Variants in HDGFL2 observed in about 807,000 individuals in gnomAD.
HDGFL2 encodes HDGF like 2.
Under a neutral mutation model 77.1 loss-of-function variants are expected in HDGFL2, and 36 were observed. The observed-to-expected ratio is 0.47, with a 90% CI of 0.36 to 0.62. The LOEUF (loss-of-function observed/expected upper bound fraction) is 0.62. Ranked by LOEUF, HDGFL2 falls within the 20% of genes least tolerant of loss-of-function variation. The pLI is 0.00. For missense variants in HDGFL2, 976 were observed against 973.4 expected (o/e 1.00, Z -0.04); for synonymous variants, 463 against 413.1 (o/e 1.12, Z -1.46).
intron 3 of HDGFL2, among the ~76,000 whole-genome samples, chr19:4,480,484 C>G (rs1406156487): frequency 6.6e-6 from 1 of 152,156 alleles, no homozygotes; most frequent in Admixed American, 6.5e-5. Context: ...TTTGGGAGGC[C>G]GAGGCAGGTG....
chr19:4,498,504 G>C lies in HDGFL2; in HGVS notation c.1473+128G>C. On this transcript the variant is annotated intron_variant, in intron 12 of 15. Transcript: ENST00000616600. The stretch of plus-strand genomic sequence containing the variant: ...GTTGGGTGGGCCAGGAGTCTGTTCC[G>C]GTTGCTAGTGAGCGCATGGGGTCTC... The C allele has an allele frequency of 4.0e-6, 3 of 752,602 alleles. No individual in the cohort carries two copies. In the South Asian group the frequency reaches 4.8e-5, roughly 12 times the overall value. The allele number at this position is 752,602 out of a possible 1,614,324, so 46.6% of individuals were successfully genotyped here.
intron 3 of HDGFL2, among the ~76,000 whole-genome samples, chr19:4,480,706 G>A (rs1405164987): frequency 2.0e-5 from 3 of 151,994 alleles, no homozygotes; most frequent in Non-Finnish European, 4.4e-5. Context: ...GGGATAGAGT[G>A]AGACTCCGTC....
At chr19:4,472,699 C>G in intron 1 of HDGFL2, among the ~76,000 whole-genome samples, 1 of 148,332 alleles carries the variant, frequency 6.7e-6, no homozygotes, top group East Asian at 2.0e-4. Context: ...TCCTGGGCCT[C>G]AGGGAGCCCC....
At chr19:4,499,040 G>A (rs1975784224) in intron 13 of HDGFL2, 125 bp downstream of exon 13, 9 of 660,356 alleles carry the variant, frequency 1.4e-5, no homozygotes, top group Non-Finnish European at 2.4e-5. Context: ...GAGGCCGTGG[G>A]CTGCTGGGTA....
intron 14 of HDGFL2, among the ~76,000 whole-genome samples, chr19:4,500,703 C>T (rs902975682): frequency 3.9e-5 from 6 of 152,106 alleles, no homozygotes; most frequent in African/African-American, 7.2e-5. Context: ...CCTCATGATC[C>T]GCCCTCCTCG....
rs369317234 is a variant in HDGFL2, at chr19:4,501,927, C to G, written c.1933C>G (p.Pro645Ala). ...EDLHDSVREG[P>A]DLDRPGSDRQ... ...TCCCACCAGCAGCGTACGGGAGGGT[C>G]CCGACCTGGACAGGCCTGGGAGCGA... The change falls in exon 16 of 16, where the codon CCC becomes GCC. Residue 645 changes from proline to alanine, a missense_variant. Transcript: ENST00000616600. The G allele has an allele frequency of 2.7e-6, 4 of 1,479,692 alleles. No individual in the cohort carries two copies. Among genetic ancestry groups the G allele is most frequent in the African/African-American group, 2.9e-5 (2 of 69,902 alleles). 91.7% of individuals were successfully genotyped at this position (1,479,692 alleles called of 1,614,324 possible).
At chr19:4,501,474 C>A in intron 15 of HDGFL2, 157 bp downstream of exon 15, 2 of 867,312 alleles carry the variant, frequency 2.3e-6, no homozygotes, top group Non-Finnish European at 3.3e-6. Context: ...GACCCCAGGG[C>A]CCCGCTGGCT....
Position 4,488,683 on chromosome 19 carries a change from GCTC to G in HDGFL2, c.301_303del (p.Ser101del). Reference sequence around the variant, plus strand: ...CTGCCCCGACTCCCACAGCCAGTGAGCTCCTCCGACAGCGAGGCCCCCGAGGCC... The same window carrying G: ...CTGCCCCGACTCCCACAGCCAGTGAGCTCCGACAGCGAGGCCCCCGAGGCC... On this transcript the variant is annotated inframe_deletion, in exon 4 of 16. Coordinates refer to ENST00000616600, the MANE Select transcript of HDGFL2 (RefSeq NM_001001520.3). The G allele has an allele frequency of 1.3e-6, 2 of 1,543,752 alleles. No homozygotes were observed. The highest frequency in any genetic ancestry group is 1.7e-6 in the Non-Finnish European group (2 of 1,147,244).
At chr19:4,499,750 G>A in intron 14 of HDGFL2, 46 bp downstream of exon 14, 3 of 1,380,230 alleles carry the variant, frequency 2.2e-6, no homozygotes, top group South Asian at 2.7e-5. Flanking sequence ...CTCCTCAGCT[G>A]AAGAAACAGA....
intron 9 of HDGFL2, among the ~76,000 whole-genome samples, chr19:4,495,049 A>G (rs1382144196): frequency 1.3e-5 from 2 of 152,108 alleles, no homozygotes; most frequent in Non-Finnish European, 2.9e-5. Flanking sequence ...GTAGACCCTG[A>G]AGGTGTGAGT....
At chr19:4,480,848 CTTATTTTTTA>C (rs1038986732) in intron 3 of HDGFL2, among the ~76,000 whole-genome samples, 1 of 151,804 alleles carries the variant, frequency 6.6e-6, no homozygotes, top group Non-Finnish European at 1.5e-5. Flanking sequence ...CCTCAGTTTC[CTTATTTTTTA>C]TTATTTTTTA....
At chr19:4,499,453 G>T (rs771394415) in intron 13 of HDGFL2, 38 bp from the exon 14 acceptor site, 16 of 1,593,886 alleles carry the variant, frequency 1.0e-5, no homozygotes, top group Middle Eastern at 1.7e-4. Context: ...TAGGGCCGCT[G>T]CACTTGGGTG....
At chr19:4,488,549 A>G in intron 3 of HDGFL2, 127 bp from the exon 4 acceptor site, 1 of 842,612 alleles carries the variant, frequency 1.2e-6, no homozygotes, top group South Asian at 1.7e-5. Flanking sequence ...CCATTTGTAA[A>G]GCCAGGAGAC....
chr19:4,476,771 G>A (rs1975083867), intron 3 of HDGFL2, among the ~76,000 whole-genome samples: 1 of 151,866 alleles, frequency 6.6e-6, no homozygotes, highest in African/African-American at 2.4e-5. Flanking sequence ...AAAAGGCAGT[G>A]GAAGGATGGG....
At chr19:4,472,460 G>GT (rs925884190) in intron 1 of HDGFL2, 38 bp downstream of exon 1, 10 of 428,700 alleles carry the variant, frequency 2.3e-5, no homozygotes, top group Admixed American at 9.1e-5. Context: ...TGGGGGGGGG[G>GT]GGGGGGGCAG....
In HDGFL2 at chr19:4,498,036, G is replaced by C; in HGVS notation, c.1402+5G>C. 2 of 1,553,618 alleles carry C rather than the reference G, an allele frequency of 1.3e-6. No individual in the cohort carries two copies. The highest frequency in any genetic ancestry group is 1.7e-6 in the Non-Finnish European group (2 of 1,147,980). The stretch of plus-strand genomic sequence containing the variant: ...GGAAGGTAGAGAAGAAGAAAGGTGA[G>C]GCCTGGCTGCCCAGCACTGCCCACA... On this transcript the variant is annotated splice_donor_5th_base_variant and intron_variant, in intron 11 of 15. Transcript: ENST00000616600.
chr19:4,482,666 A>G (rs10405224), intron 3 of HDGFL2, among the ~76,000 whole-genome samples: 150,557 of 152,314 alleles, frequency 0.99, 74,424 homozygotes, highest in Non-Finnish European at 0.99. Flanking sequence ...AGGAGTGGCT[A>G]TGACCCAGGC....
Position 4,472,321 on chromosome 19 carries a change from T to A in HDGFL2, c.-30T>A. On this transcript the variant is annotated 5_prime_UTR_variant, in exon 1 of 16. Coordinates refer to ENST00000616600, the MANE Select transcript of HDGFL2 (RefSeq NM_001001520.3). ...CAGCCGCTACCGCCGCTGCAGCCGCTTTCCGCGGCCTGGGCCTCTCGCCGT... is the reference window on the plus strand; with the variant it reads ...CAGCCGCTACCGCCGCTGCAGCCGCATTCCGCGGCCTGGGCCTCTCGCCGT... 3 of 1,473,052 alleles carry A rather than the reference T, an allele frequency of 2.0e-6. No individual in the cohort carries two copies. Among genetic ancestry groups the A allele is most frequent in the Non-Finnish European group, 2.7e-6 (3 of 1,111,348 alleles). The allele number at this position is 1,473,052 out of a possible 1,614,324, so 91.2% of individuals were successfully genotyped here. A position where few individuals can be genotyped will look rare whatever the true frequency, so the allele number is the denominator to read the frequency against.
At chr19:4,490,306 C>T (rs6510812) in intron 4 of HDGFL2, among the ~76,000 whole-genome samples, 105,508 of 152,114 alleles carry the variant, frequency 0.69, 37,143 homozygotes, top group African/African-American at 0.78. Context: ...AGGCTGGTCT[C>T]GAACTCCTGA....
Sources: gnomAD v4.1 joint callset for allele counts (sites outside exome capture counted in the v4.1 genomes callset) on GRCh38, gnomAD v4.1.1 for gene constraint, MANE v1.5 for transcripts, NCBI Gene and HGNC (gene_info 2026-07-23, HGNC 2026-07-21) for gene names.